Variants in MMP26 observed in about 807,000 individuals in gnomAD.
The protein encoded by MMP26 is matrix metalloproteinase-26.
A neutral mutation model predicts 31.0 loss-of-function variants in MMP26; 33 were observed. That is an observed-to-expected ratio of 1.06 (90% CI 0.81 to 1.42). The LOEUF is 1.42. MMP26 is among the 40% of genes most tolerant of loss of function. MMP26 has a pLI of 0.00. For missense variants in MMP26, 347 were observed against 316.1 expected, an observed-to-expected ratio of 1.10 and a Z score of -0.74; for synonymous variants, 122 against 114.9, an observed-to-expected ratio of 1.06 and a Z score of -0.40.
chr11:4,880,527 C>T (rs912987624), intron 2 of MMP26, among the ~76,000 whole-genome samples: 2 of 152,016 alleles, frequency 1.3e-5, no homozygotes, highest in Non-Finnish European at 2.9e-5. Flanking sequence ...ACTCAAAACT[C>T]CCTTTCTGTG....
chr11:4,860,282 C>T (rs907138211), intron 2 of MMP26: 4 of 471,176 alleles, frequency 8.5e-6, no homozygotes, highest in African/African-American at 8.0e-5. Flanking sequence ...GCATCAAAAA[C>T]AATCTGAGGG....
At chr11:4,769,698 C>T (rs746114024) in intron 2 of MMP26, 7 of 1,613,042 alleles carry the variant, frequency 4.3e-6, no homozygotes, top group Non-Finnish European at 5.9e-6. Flanking sequence ...ACAGTCAAGC[C>T]CAGATCAGTG....
At position 4,914,757 on chromosome 11, in the gene MMP26, G is replaced by C. The variant is rs150667862; in HGVS notation, c.-144-73311G>C. On this transcript the variant is annotated intron_variant, in intron 2 of 7. Coordinates refer to ENST00000380390, the MANE Select transcript of MMP26 (RefSeq NM_021801.5). ...GCATGCGTCACTCGATCCCGGATCT[G>C]TTTGGTCTTCACACTGTAGACAATG... 127 of 1,613,758 alleles carry C rather than the reference G, an allele frequency of 7.9e-5. No homozygotes were observed. The East Asian group carries it at 2.5e-3, about 31-fold the overall frequency.
intron 2 of MMP26, among the ~76,000 whole-genome samples, chr11:4,846,797 A>C (rs1053058991): frequency 6.6e-6 from 1 of 152,270 alleles, no homozygotes; most frequent in Non-Finnish European, 1.5e-5. Context: ...GGCATCAAAA[A>C]AATAGATTAA....
rs35788626 is a variant in MMP26, at chr11:4,785,040, A to T, written c.-145+17699A>T. 3.3e-5 allele frequency among the ~76,000 whole-genome samples: 5 copies of T among 152,268 alleles called. 1 individual carries two copies. The highest frequency in any genetic ancestry group is 1.2e-4 in the African/African-American group (5 of 41,548). On this transcript the variant is annotated intron_variant, in intron 2 of 7. Coordinates refer to ENST00000380390, the MANE Select transcript of MMP26 (RefSeq NM_021801.5). ...CAATATAGACTTCATTTTTTGATAG[A>T]CAGGTGTCAATGTTGCTTGTAAGAA...
chr11:4,861,680 T>G (rs1850162058), intron 2 of MMP26, among the ~76,000 whole-genome samples: 1 of 152,130 alleles, frequency 6.6e-6, no homozygotes, highest in African/African-American at 2.4e-5. Context: ...TAAAAGTTAT[T>G]GGCTCATAAA....
rs1180277420 is a variant in MMP26 at position 4,881,879 on chromosome 11, G to A, written c.-144-106189G>A. 6.9e-6 allele frequency: 11 copies of A among 1,597,026 alleles called. No individual in the cohort carries two copies. The Admixed American group carries it at 1.8e-4, about 27-fold the overall frequency. On this transcript the variant is annotated intron_variant, in intron 2 of 7. Coordinates refer to ENST00000380390, the MANE Select transcript of MMP26 (RefSeq NM_021801.5). The stretch of plus-strand genomic sequence containing the variant: ...TCTTAATTATTTTTCTTTCCTCATA[G>A]TTCAGTGTCTTCAACCAACCATGGC...
At chr11:4,956,922 C>A (rs1337539637) in intron 2 of MMP26, among the ~76,000 whole-genome samples, 3 of 152,108 alleles carry the variant, frequency 2.0e-5, no homozygotes, top group Non-Finnish European at 4.4e-5. Context: ...GTTCCATTAC[C>A]AGATGATGAT....
chr11:4,710,140 G>A (rs1187958932), intron 1 of MMP26: 4 of 456,662 alleles, frequency 8.8e-6, no homozygotes, highest in Non-Finnish European at 1.8e-5. Flanking sequence ...AAGCTCTCAT[G>A]CACAGACACA....
chr11:4,880,941 G>A (rs1850452468), intron 2 of MMP26, among the ~76,000 whole-genome samples: 1 of 152,108 alleles, frequency 6.6e-6, no homozygotes, highest in South Asian at 2.1e-4. Context: ...TGACCTTTGG[G>A]TCACTCTGTT....
intron 2 of MMP26, among the ~76,000 whole-genome samples, chr11:4,873,176 C>A (rs929293180): frequency 2.6e-5 from 4 of 152,030 alleles, no homozygotes; most frequent in Non-Finnish European, 5.9e-5. Flanking sequence ...AATCAGGGGC[C>A]TCGTTTACTA....
At chr11:4,814,931 T>G (rs1849400748) in intron 2 of MMP26, among the ~76,000 whole-genome samples, 1 of 152,210 alleles carries the variant, frequency 6.6e-6, no homozygotes, top group Admixed American at 6.5e-5. Context: ...CTTCAGGAGG[T>G]CCTGACGACT....
chr11:4,814,953 G>A (rs897879406), intron 2 of MMP26, among the ~76,000 whole-genome samples: 1 of 152,198 alleles, frequency 6.6e-6, no homozygotes, highest in East Asian at 1.9e-4. Flanking sequence ...GTGCCCAACA[G>A]AGTCAGGGTA....
intron 2 of MMP26, among the ~76,000 whole-genome samples, chr11:4,965,465 G>T (rs1365098147): frequency 6.6e-6 from 1 of 152,186 alleles, no homozygotes; most frequent in Non-Finnish European, 1.5e-5. Flanking sequence ...TTTTAAGAAG[G>T]TTAAGGAGGC....
intron 2 of MMP26, among the ~76,000 whole-genome samples, chr11:4,922,310 A>C (rs1230159581): frequency 1.3e-5 from 2 of 152,176 alleles, no homozygotes; most frequent in Non-Finnish European, 2.9e-5. Context: ...AGGTAACTAG[A>C]AAGAGAAGAA....
At chr11:4,889,310 T>C (rs1276676484) in intron 2 of MMP26, among the ~76,000 whole-genome samples, 1 of 152,160 alleles carries the variant, frequency 6.6e-6, no homozygotes, top group Non-Finnish European at 1.5e-5. Flanking sequence ...ATCTCTAGAA[T>C]ATTTATAATA....
At chr11:4,890,687 A>G (rs1351487023) in intron 2 of MMP26, 1 of 152,132 alleles carries the variant, frequency 6.6e-6, no homozygotes, top group Non-Finnish European at 1.5e-5. Context: ...ACGTTTGTCT[A>G]TGAAATAAAG....
intron 2 of MMP26, among the ~76,000 whole-genome samples, chr11:4,894,497 C>T (rs1198369749): frequency 3.9e-5 from 6 of 152,116 alleles, no homozygotes; most frequent in East Asian, 1.9e-4. Flanking sequence ...TAAGGAAGGC[C>T]GAAGCCTTGG....
intron 2 of MMP26, chr11:4,769,021 T>C: frequency 6.6e-7 from 1 of 1,521,338 alleles, no homozygotes; most frequent in Non-Finnish European, 8.8e-7. Flanking sequence ...TGCGGATTTG[T>C]TTTGTTTTTA....
Sources: gnomAD v4.1 joint callset for allele counts (sites outside exome capture counted in the v4.1 genomes callset) on GRCh38, gnomAD v4.1.1 for gene constraint, MANE v1.5 for transcripts, NCBI Gene and HGNC (gene_info 2026-07-23, HGNC 2026-07-21) for gene names.